The following PLD5 variants were observed in gnomAD, a reference collection of about 807,000 sequenced individuals.
The protein encoded by PLD5 is phospholipase D family member 5.
Under a neutral mutation model 61.1 loss-of-function variants are expected in PLD5, and 36 were observed. The ratio of observed to expected loss-of-function variants is 0.59; its 90% CI spans 0.45 to 0.78. The LOEUF (loss-of-function observed/expected upper bound fraction) is 0.78, where lower values mean the gene tolerates loss of function less well. PLD5 is among the 30% of genes least tolerant of loss of function. PLD5 has a pLI of 0.00. For missense variants in PLD5, 515 were observed against 644.4 expected (o/e 0.80, Z 2.17); for synonymous variants, 243 against 242.8 (o/e 1.00, Z -0.01).
Position 242,356,880 on chromosome 1 carries a change from C to G in PLD5, c.190-8638G>C, listed in dbSNP as rs564579452. Among the ~76,000 whole-genome samples, 507 of 152,070 alleles carry G rather than the reference C, an allele frequency of 3.3e-3. 4 individuals are homozygous for G. Among genetic ancestry groups the G allele is most frequent in the African/African-American group, 0.012 (479 of 41,482 alleles). ...AATTAACATTTTATAATATATATCT[C>G]CTGACAATTTATTTTAGCTATAGTT... is the stretch of plus-strand genomic sequence containing the variant. On this transcript the variant is annotated intron_variant, in intron 1 of 9. Coordinates refer to ENST00000536534, the MANE Select transcript of PLD5 (RefSeq NM_001372062.1).
intron 5 of PLD5, among the ~76,000 whole-genome samples, chr1:242,154,872 G>A (rs923426760): frequency 5.9e-5 from 9 of 152,102 alleles, no homozygotes; most frequent in South Asian, 2.1e-4. Flanking sequence ...AATGAGTTAC[G>A]GAGGATTCCC....
At chr1:242,229,442 T>G (rs1032334582) in intron 4 of PLD5, among the ~76,000 whole-genome samples, 11 of 152,204 alleles carry the variant, frequency 7.2e-5, no homozygotes, top group Non-Finnish European at 1.5e-4. Flanking sequence ...CCCTAAAAAC[T>G]AGAACCTCAC....
At chr1:242,360,457 T>C (rs1661003066) in intron 1 of PLD5, among the ~76,000 whole-genome samples, 1 of 152,062 alleles carries the variant, frequency 6.6e-6, no homozygotes, top group Admixed American at 6.6e-5. Context: ...ATATTCATTG[T>C]TTCTATAATC....
intron 9 of PLD5, among the ~76,000 whole-genome samples, chr1:242,098,268 C>CT (rs1660405017): frequency 6.6e-6 from 1 of 152,104 alleles, no homozygotes; most frequent in Non-Finnish European, 1.5e-5. Flanking sequence ...TCTTTTTATT[C>CT]TTTTTTCTCT....
intron 5 of PLD5, among the ~76,000 whole-genome samples, chr1:242,180,619 C>T (rs190570736): frequency 1.9e-4 from 29 of 152,196 alleles, no homozygotes; most frequent in African/African-American, 5.1e-4. Flanking sequence ...ATCACCTGGA[C>T]GGCTTGTTAG....
intron 5 of PLD5, among the ~76,000 whole-genome samples, chr1:242,146,360 C>T (rs1021133464): frequency 4.6e-5 from 7 of 152,142 alleles, no homozygotes; most frequent in African/African-American, 1.2e-4. Flanking sequence ...CAGTAAGTAG[C>T]CTATGCCTGA....
intron 4 of PLD5, among the ~76,000 whole-genome samples, chr1:242,248,942 G>C (rs1672546313): frequency 6.6e-6 from 1 of 152,084 alleles, no homozygotes; most frequent in Non-Finnish European, 1.5e-5. Context: ...AAGGTCAGGA[G>C]TTTGAGACCA....
intron 5 of PLD5, among the ~76,000 whole-genome samples, chr1:242,155,138 A>G (rs1665252095): frequency 6.6e-6 from 1 of 152,038 alleles, no homozygotes; most frequent in African/African-American, 2.4e-5. Flanking sequence ...ATTTGCGTAG[A>G]GCTGTTTATA....
chr1:242,257,014 T>C (rs959195871), intron 4 of PLD5, among the ~76,000 whole-genome samples: 1 of 149,876 alleles, frequency 6.7e-6, no homozygotes, highest in Admixed American at 6.8e-5. Context: ...CTATCTATCA[T>C]CTATCTATAT....
Position 242,100,789 on chromosome 1 carries a change from GAAA to G in PLD5, c.1240-10_1240-8del. On this transcript the variant is annotated splice_polypyrimidine_tract_variant and splice_region_variant and intron_variant, in intron 8 of 9. Coordinates refer to ENST00000536534, the MANE Select transcript of PLD5 (RefSeq NM_001372062.1). ...TTTCCAGATCAAAAAATTTCTGTAAGAAAAAAAAAAAGGGGGCAGGTAAATAAG... is the reference window on the plus strand; with the variant it reads ...TTTCCAGATCAAAAAATTTCTGTAAGAAAAAAAAGGGGGCAGGTAAATAAG... 2 of 1,287,730 alleles carry G rather than the reference GAAA, an allele frequency of 1.6e-6. No homozygotes were observed. Among genetic ancestry groups the G allele is most frequent in the Non-Finnish European group, 2.1e-6 (2 of 951,488 alleles). The allele number at this position is 1,287,730 out of a possible 1,614,324, so 79.8% of individuals were successfully genotyped here.
intron 4 of PLD5, among the ~76,000 whole-genome samples, chr1:242,228,676 G>A (rs1454635878): frequency 6.6e-6 from 1 of 151,738 alleles, no homozygotes; most frequent in Admixed American, 6.6e-5. Context: ...GAGAGGGAGA[G>A]AGAGGAAGGT....
chr1:242,409,110 A>G (rs1180690099), intron 1 of PLD5, among the ~76,000 whole-genome samples: 2 of 151,758 alleles, frequency 1.3e-5, no homozygotes, highest in African/African-American at 4.8e-5. Flanking sequence ...AACAAGAAGC[A>G]CCTTTCAGTC....
At position 242,317,705 on chromosome 1, in the gene PLD5, G is replaced by T. The variant is rs12091864; in HGVS notation, c.327-29175C>A. Among the ~76,000 whole-genome samples the T allele has an allele frequency of 4.3e-3, 647 of 150,398 alleles. 4 individuals carry two copies. The highest frequency in any genetic ancestry group is 5.8e-3 in the Non-Finnish European group (396 of 67,698). On this transcript the variant is annotated intron_variant, in intron 2 of 9. Transcript: ENST00000536534. ...TCAGAAGGTAGTTAAAAAAGAAATAGGTTCATAGCTAAGAATCTCATTTCA... is the reference window on the plus strand; with the variant it reads ...TCAGAAGGTAGTTAAAAAAGAAATATGTTCATAGCTAAGAATCTCATTTCA...
Position 242,192,590 on chromosome 1 carries a change from T to C in PLD5, c.735+27398A>G, listed in dbSNP as rs527719456. ...AAAAACATTTTCCTCCAAAACACTTTTCCTCAAAAAAGTAGGAAAAGGTTC... is the reference window on the plus strand; with the variant it reads ...AAAAACATTTTCCTCCAAAACACTTCTCCTCAAAAAAGTAGGAAAAGGTTC... On this transcript the variant is annotated intron_variant, in intron 5 of 9. Transcript: ENST00000536534. Among the ~76,000 whole-genome samples the C allele has an allele frequency of 5.3e-5, 8 of 152,316 alleles. No individual in the cohort carries two copies. The South Asian group carries it at 1.7e-3, about 32-fold the overall frequency.
chr1:242,308,367 C>A (rs1279860868), intron 2 of PLD5, among the ~76,000 whole-genome samples: 3 of 152,068 alleles, frequency 2.0e-5, no homozygotes, highest in Non-Finnish European at 4.4e-5. Flanking sequence ...TGAAACCAGG[C>A]CGAAGTCTGT....
At chr1:242,283,196 T>C (rs1300776598) in intron 3 of PLD5, among the ~76,000 whole-genome samples, 5 of 152,204 alleles carry the variant, frequency 3.3e-5, no homozygotes, top group Middle Eastern at 3.4e-3. Flanking sequence ...TCTTACAAAA[T>C]TGCTACTCTT....
intron 1 of PLD5, among the ~76,000 whole-genome samples, chr1:242,462,729 G>C (rs76556961): frequency 0.012 from 1,803 of 152,120 alleles, 20 homozygotes; most frequent in Non-Finnish European, 0.015. Context: ...CAGATGAGGA[G>C]GTCTGCATAG....
rs568437086 is a variant in PLD5, at chr1:242,256,590, C to A, written c.607+8747G>T. 6.6e-6 allele frequency among the ~76,000 whole-genome samples: 1 copy of A among 152,192 alleles called. No homozygotes were observed. The highest frequency in any genetic ancestry group is 1.5e-5 in the Non-Finnish European group (1 of 68,040). ...CTCTGGGGGATGCAGTAACAAGGCG[C>A]CATCTTGGAAGCACAGAGCAGCTCT... is the stretch of plus-strand genomic sequence containing the variant. On this transcript the variant is annotated intron_variant, in intron 4 of 9. Transcript: ENST00000536534. The surrounding 1 kb of genome is among the most constrained non-coding windows in gnomAD (Gnocchi z 5.7).
intron 2 of PLD5, among the ~76,000 whole-genome samples, chr1:242,341,443 T>C (rs184845479): frequency 3.8e-4 from 58 of 152,192 alleles, no homozygotes; most frequent in African/African-American, 1.3e-3. Context: ...AGATATTTTT[T>C]AAGCAATGAT....
Sources: allele counts gnomAD v4.1 joint callset (sites outside exome capture counted in the v4.1 genomes callset), GRCh38; gene constraint gnomAD v4.1.1; non-coding constraint Gnocchi (gnomAD v3.1); transcripts MANE v1.5; gene names NCBI Gene and HGNC (gene_info 2026-07-23, HGNC 2026-07-21).